The following PDE10A variants were observed in gnomAD, a reference collection of about 807,000 sequenced individuals.
PDE10A encodes phosphodiesterase 10A, also known as cAMP and cAMP-inhibited cGMP 3',5'-cyclic phosphodiesterase 10A.
Under a neutral mutation model 97.7 loss-of-function variants are expected in PDE10A, and 39 were observed. The observed-to-expected ratio is 0.40, with a 90% CI of 0.31 to 0.52. The LOEUF (loss-of-function observed/expected upper bound fraction) is 0.52. PDE10A is among the 20% of genes least tolerant of loss of function. The probability of loss-of-function intolerance (pLI) is 0.56; values close to 1 mark genes in which losing one functional copy is unlikely to be tolerated. For synonymous variants in PDE10A, 371 were observed against 376.8 expected (o/e 0.98, Z 0.18); for missense variants, 731 against 1,047.8 (o/e 0.70, Z 4.17).
chr6:165,816,325 G>C (rs1371193946), intron 1 of PDE10A, among the ~76,000 whole-genome samples: 1 of 152,224 alleles, frequency 6.6e-6, no homozygotes, highest in Non-Finnish European at 1.5e-5. Flanking sequence ...TAACCATTCA[G>C]TTAATATTTA....
intron 1 of PDE10A, among the ~76,000 whole-genome samples, chr6:165,574,558 T>C (rs1394154778): frequency 6.6e-6 from 1 of 152,230 alleles, no homozygotes; most frequent in African/African-American, 2.4e-5. Context: ...TAAAAATCAT[T>C]TTAAAACAAC....
chr6:165,571,124 C>T (rs972147460), intron 1 of PDE10A, among the ~76,000 whole-genome samples: 3 of 152,180 alleles, frequency 2.0e-5, no homozygotes, highest in Admixed American at 1.3e-4. Context: ...TACTGAAGTG[C>T]TTTCATTACT....
chr6:165,943,207 GAA>G (rs1404109250), intron 1 of PDE10A, among the ~76,000 whole-genome samples: 1 of 62,196 alleles, frequency 1.6e-5, no homozygotes, highest in African/African-American at 7.6e-5. Flanking sequence ...AAGAAAGAAA[GAA>G]AGAAAGAAAG....
chr6:165,619,083 T>C lies in PDE10A; in HGVS notation c.865+42864A>G, dbSNP rs1035805978. Among the ~76,000 whole-genome samples, 32 of 120,296 alleles carry C rather than the reference T, an allele frequency of 2.7e-4. 1 individual carries two copies. The highest frequency in any genetic ancestry group is 1.1e-3 in the African/African-American group (31 of 28,362). 78.9% of individuals were successfully genotyped at this position (120,296 alleles called of 152,430 possible). ...TGTAGTGTAGTGTAGTGTAGTCTAGTGTAGTCTAGTGTAGTGTAGTCTAGT... is the reference window on the plus strand; with the variant it reads ...TGTAGTGTAGTGTAGTGTAGTCTAGCGTAGTCTAGTGTAGTGTAGTCTAGT... On this transcript the variant is annotated intron_variant, in intron 1 of 21. Transcript: ENST00000539869.
At chr6:165,958,569 GACAGAAAGAAAGACAGAA>G (rs1562327364) in intron 1 of PDE10A, among the ~76,000 whole-genome samples, 6 of 13,326 alleles carry the variant, frequency 4.5e-4, no homozygotes, top group East Asian at 3.9e-3. Context: ...AAGAAAGACA[GACAGAAAGAAAGACAGAA>G]AGAGAGAAAG....
At chr6:165,480,279 G>A (rs779282631) in intron 3 of PDE10A, among the ~76,000 whole-genome samples, 3 of 152,134 alleles carry the variant, frequency 2.0e-5, no homozygotes, top group Non-Finnish European at 4.4e-5. Context: ...AAATGAGAAA[G>A]TACTTCATCA....
intron 1 of PDE10A, among the ~76,000 whole-genome samples, chr6:165,785,204 G>A (rs1202352486): frequency 6.6e-6 from 1 of 152,228 alleles, no homozygotes; most frequent in East Asian, 1.9e-4. Context: ...GCCTCCTGGT[G>A]TTGCTGTGAT....
intron 1 of PDE10A, among the ~76,000 whole-genome samples, chr6:165,830,502 T>A (rs977861304): frequency 7.1e-6 from 1 of 140,044 alleles, no homozygotes; most frequent in Non-Finnish European, 1.6e-5. Flanking sequence ...TTAGGTGGAT[T>A]TTAGATTACC....
chr6:165,641,026 C>T (rs1789105345), intron 1 of PDE10A, among the ~76,000 whole-genome samples: 1 of 152,148 alleles, frequency 6.6e-6, no homozygotes, highest in South Asian at 2.1e-4. Context: ...GCCAGCCCTT[C>T]AGCTCCTTCC....
chr6:165,805,107 A>G (rs1223108667), intron 1 of PDE10A, among the ~76,000 whole-genome samples: 1 of 137,124 alleles, frequency 7.3e-6, no homozygotes, highest in Admixed American at 7.2e-5. Context: ...GGGGTCGAGC[A>G]GAGGGGCGCA....
At chr6:165,944,905 TG>T (rs1487104447) in intron 1 of PDE10A, among the ~76,000 whole-genome samples, 1 of 152,242 alleles carries the variant, frequency 6.6e-6, no homozygotes, top group Non-Finnish European at 1.5e-5. Context: ...GAAAATCTTC[TG>T]TGCTCAGAAG....
At chr6:165,629,268 T>C (rs1175942672) in intron 1 of PDE10A, among the ~76,000 whole-genome samples, 1 of 152,178 alleles carries the variant, frequency 6.6e-6, no homozygotes, top group Non-Finnish European at 1.5e-5. Flanking sequence ...TCTTCTTAGA[T>C]ATCCCAGTGG....
At chr6:165,767,874 AT>A (rs1227967849) in intron 1 of PDE10A, among the ~76,000 whole-genome samples, 2 of 152,162 alleles carry the variant, frequency 1.3e-5, no homozygotes, top group African/African-American at 4.8e-5. Context: ...TGGCTGCACC[AT>A]TTTTACATTC....
rs375081629 is a variant in PDE10A at position 165,869,683 on chromosome 6, C to G, written c.-615+117846G>C. 2.6e-5 allele frequency among the ~76,000 whole-genome samples: 4 copies of G among 152,124 alleles called. No individual in the cohort carries two copies. In the South Asian group the frequency reaches 8.3e-4, roughly 32 times the overall value. On this transcript the variant is annotated intron_variant, in intron 1 of 19. Coordinates refer to the PDE10A transcript ENST00000366882. ...AACAAAGCTGAAAGCATCATACTAC[C>G]TTACTTGAAAATACACTACAAAGCT... is the stretch of plus-strand genomic sequence containing the variant.
chr6:165,451,549 C>T (rs540085737), intron 3 of PDE10A, among the ~76,000 whole-genome samples: 27 of 152,344 alleles, frequency 1.8e-4, no homozygotes, highest in African/African-American at 6.3e-4. Context: ...AACTGCGTCT[C>T]ACACCCCACT....
At chr6:165,445,485 G>A (rs1457436697) in intron 5 of PDE10A, among the ~76,000 whole-genome samples, 3 of 152,160 alleles carry the variant, frequency 2.0e-5, no homozygotes, top group Non-Finnish European at 2.9e-5. Flanking sequence ...AGAAAAGTTG[G>A]GGCCTTTCTG....
At chr6:165,413,835 C>G (rs1788086951) in intron 12 of PDE10A, 148 bp from the exon 13 acceptor site, 5 of 610,740 alleles carry the variant, frequency 8.2e-6, no homozygotes, top group Non-Finnish European at 1.5e-5. Context: ...CTTCTACATT[C>G]AGGGACAGTA....
chr6:165,736,623 C>A (rs1005360595), intron 1 of PDE10A, among the ~76,000 whole-genome samples: 3 of 152,156 alleles, frequency 2.0e-5, no homozygotes, highest in Non-Finnish European at 2.9e-5. Context: ...AATGGCAACA[C>A]AACATACCTA....
chr6:165,766,560 T>C (rs1777856158), intron 1 of PDE10A, among the ~76,000 whole-genome samples: 1 of 152,262 alleles, frequency 6.6e-6, no homozygotes, highest in African/African-American at 2.4e-5. Flanking sequence ...GGGATTGTTT[T>C]GCTTTTGCAA....
Sources: allele counts gnomAD v4.1 joint callset (sites outside exome capture counted in the v4.1 genomes callset), GRCh38; gene constraint gnomAD v4.1.1; transcripts MANE v1.5; gene names NCBI Gene and HGNC (gene_info 2026-07-23, HGNC 2026-07-21).